SWI5: variants seen among roughly 807,000 people sequenced by gnomAD.
SWI5 encodes SWI5 homologous recombination repair protein, also known as DNA repair protein SWI5 homolog.
In SWI5, 12 loss-of-function variants were observed where a neutral mutation model predicts 17.0. The observed-to-expected ratio is 0.71, with a 90% CI of 0.45 to 1.14. The LOEUF (loss-of-function observed/expected upper bound fraction) is 1.14. Ranked by LOEUF, SWI5 falls within the 50% of genes most tolerant of loss-of-function variation. The pLI, the probability that SWI5 is intolerant of heterozygous loss-of-function variation, is 0.00. For missense variants in SWI5, 158 were observed against 162.2 expected (o/e 0.97, Z 0.14); for synonymous variants, 61 against 64.0 (o/e 0.95, Z 0.22).
At chr9:128,280,182 A>G (rs904664765) in intron 2 of SWI5, among the ~76,000 whole-genome samples, 2 of 152,008 alleles carry the variant, frequency 1.3e-5, no homozygotes, top group Admixed American at 6.6e-5. Context: ...CTTTGCCCAC[A>G]CATTTCCGGG....
intron 2 of SWI5, among the ~76,000 whole-genome samples, chr9:128,282,724 A>C (rs1831559854): frequency 6.6e-6 from 1 of 152,200 alleles, no homozygotes; most frequent in South Asian, 2.1e-4. Flanking sequence ...AACCAGGAAG[A>C]CCGTCTTCCT....
Position 128,277,575 on chromosome 9 carries a change from C to T in SWI5, c.111+820C>T, listed in dbSNP as rs536302935. On this transcript the variant is annotated intron_variant, in intron 2 of 4. Coordinates refer to ENST00000418976, the Ensembl canonical transcript of SWI5. ...CTCAAAAACAAAAAAGAAGTTAGAT[C>T]GGGAAAGACTTGGTATTTGTTCATT... Among the ~76,000 whole-genome samples, 18 of 152,230 alleles carry T rather than the reference C, an allele frequency of 1.2e-4. No homozygotes were observed. The East Asian group carries it at 1.4e-3, about 11-fold the overall frequency.
intron 2 of SWI5, among the ~76,000 whole-genome samples, chr9:128,277,326 C>T (rs368345084): frequency 6.6e-6 from 1 of 152,024 alleles, no homozygotes; most frequent in East Asian, 1.9e-4. Flanking sequence ...CTGAGGCGGG[C>T]AGATCATTTG....
chr9:128,286,118 C>G lies in SWI5; in HGVS notation c.328+85C>G, dbSNP rs79429554. The G allele has an allele frequency of 4.0e-6, 4 of 991,010 alleles. No individual in the cohort carries two copies. In the East Asian group the frequency reaches 7.2e-5, roughly 18 times the overall value. The allele number at this position is 991,010 out of a possible 1,614,324, so 61.4% of individuals were successfully genotyped here. On this transcript the variant is annotated intron_variant, in intron 4 of 4. Coordinates refer to ENST00000418976, the Ensembl canonical transcript of SWI5. ...GGTGTTGGGTTTTGCTCCTGGGCCT[C>G]CCAGCTTGCCAACCGTCACACCCTC... is the stretch of plus-strand genomic sequence containing the variant.
rs931657212 is a variant in SWI5 at position 128,285,219 on chromosome 9, G to A, written c.233+588G>A. On this transcript the variant is annotated intron_variant, in intron 3 of 4. Coordinates refer to ENST00000418976, the Ensembl canonical transcript of SWI5. The surrounding 1 kb of genome is among the most constrained non-coding windows in gnomAD (Gnocchi z 4.8). The stretch of plus-strand genomic sequence containing the variant: ...GAGAGGAGAGGAAAGAAAAAGGAAG[G>A]AAGGAAAGAAAGGAAGGGAAAGAAG... Among the ~76,000 whole-genome samples the A allele has an allele frequency of 6.7e-6, 1 of 150,268 alleles. No individual in the cohort carries two copies.
intron 4 of SWI5, among the ~76,000 whole-genome samples, chr9:128,286,902 G>A (rs955692132): frequency 5.9e-5 from 9 of 151,976 alleles, no homozygotes; most frequent in African/African-American, 1.2e-4. Context: ...TCCCAGCACC[G>A]TGGGAGGCCG....
At chr9:128,276,158 G>A (rs867828983), upstream of SWI5, 6 of 1,570,510 alleles carry the variant, frequency 3.8e-6, no homozygotes, top group Non-Finnish European at 5.2e-6. Flanking sequence ...GCAGCGGCGT[G>A]GCCAGAGGGA....
chr9:128,275,828 C>T, upstream of SWI5: 1 of 858,676 alleles, frequency 1.2e-6, no homozygotes, highest in Non-Finnish European at 1.9e-6. Context: ...GAGACTCTGG[C>T]CATGGTCCTG....
exon 1 of SWI5, chr9:128,276,286 C>T (rs753615564): frequency 5.0e-6 from 8 of 1,612,820 alleles, no homozygotes; most frequent in South Asian, 1.1e-5. Context: ...AGTTCACACT[C>T]CGGGTCAGAG....
At chr9:128,288,080 T>C (rs1831675870) in intron 4 of SWI5, among the ~76,000 whole-genome samples, 1 of 151,798 alleles carries the variant, frequency 6.6e-6, no homozygotes, top group Non-Finnish European at 1.5e-5. Context: ...AGGGCAGAGA[T>C]GGGGAGAATA....
At chr9:128,284,329 C>T (rs1831595160) in intron 2 of SWI5, among the ~76,000 whole-genome samples, 181 bp from the exon 3 acceptor site, 2 of 150,212 alleles carry the variant, frequency 1.3e-5, no homozygotes, top group South Asian at 4.2e-4. Flanking sequence ...TTAAGTTCTA[C>T]TTGCTGGAAC....
chr9:128,276,350 C>T, exon 1 of SWI5: 1 of 1,613,392 alleles, frequency 6.2e-7, no homozygotes, highest in Non-Finnish European at 8.5e-7. Context: ...GCTGGACCCT[C>T]TTGCGCCATT....
exon 1 of SWI5, chr9:128,276,315 T>TGA: frequency 6.2e-7 from 1 of 1,613,076 alleles, no homozygotes; most frequent in Non-Finnish European, 8.5e-7. Context: ...CCGGTGCACC[T>TGA]GAGAGGTCGC....
intron 2 of SWI5, among the ~76,000 whole-genome samples, chr9:128,283,500 A>AAC (rs1564374575): frequency 6.0e-5 from 9 of 150,824 alleles, no homozygotes; most frequent in African/African-American, 1.7e-4. Flanking sequence ...CCGTCTCCAA[A>AAC]AACAACAACA....
intron 2 of SWI5, among the ~76,000 whole-genome samples, chr9:128,284,103 C>G (rs907324821): frequency 5.3e-5 from 8 of 151,800 alleles, no homozygotes; most frequent in African/African-American, 1.9e-4. Context: ...CGAGACCAGC[C>G]TGGCCAATAT....
At chr9:128,287,548 G>A (rs1483784908) in intron 4 of SWI5, among the ~76,000 whole-genome samples, 1 of 149,110 alleles carries the variant, frequency 6.7e-6, no homozygotes, top group African/African-American at 2.5e-5. Flanking sequence ...TGGAGCCAGT[G>A]GCCTATCCCT....
upstream of SWI5, chr9:128,275,759 G>C (rs1831304910): frequency 1.7e-6 from 1 of 598,748 alleles, no homozygotes; most frequent in Admixed American, 3.6e-5. Flanking sequence ...ACAAGACTTT[G>C]GTGGAGGGAG....
upstream of SWI5, among the ~76,000 whole-genome samples, chr9:128,275,732 G>A (rs1032111098): frequency 5.3e-5 from 8 of 152,118 alleles, no homozygotes; most frequent in East Asian, 1.5e-3. Flanking sequence ...GGGCGGCTGA[G>A]GGGGCGGGGC....
In SWI5 at chr9:128,285,956, AACTGGAGG is replaced by A; in HGVS notation, c.254_261del (p.Leu85ProfsTer10). On this transcript the variant is annotated frameshift_variant, in exon 4 of 5. Transcript: ENST00000418976. LOFTEE classifies it high-confidence loss of function. The surrounding 1 kb of genome is among the most constrained non-coding windows in gnomAD (Gnocchi z 4.8). ...TATCCCAGAGGCTACAGTGTGGATGAACTGGAGGACCACATTACCCAGCTTCACGAGTA... is the reference window on the plus strand; with the variant it reads ...TATCCCAGAGGCTACAGTGTGGATGAACCACATTACCCAGCTTCACGAGTA... 6.2e-7 allele frequency: 1 copy of A among 1,614,006 alleles called. No individual in the cohort carries two copies. The highest frequency in any genetic ancestry group is 8.5e-7 in the Non-Finnish European group (1 of 1,179,884).
Sources: gnomAD v4.1 joint callset for allele counts (sites outside exome capture counted in the v4.1 genomes callset) on GRCh38, gnomAD v4.1.1 for gene constraint, Gnocchi (gnomAD v3.1) non-coding constraint, MANE v1.5 for transcripts, NCBI Gene and HGNC (gene_info 2026-07-23, HGNC 2026-07-21) for gene names.